The following MAGI1 variants were observed in gnomAD, a reference collection of about 807,000 sequenced individuals.
MAGI1 encodes the protein membrane-associated guanylate kinase, WW and PDZ domain-containing protein 1.
Under a neutral mutation model 139.9 loss-of-function variants are expected in MAGI1, and 58 were observed. The ratio of observed to expected loss-of-function variants is 0.41; its 90% CI spans 0.34 to 0.52. The LOEUF is 0.52. Ranked by LOEUF, MAGI1 falls within the 20% of genes least tolerant of loss-of-function variation. The probability of loss-of-function intolerance (pLI) is 0.12; values close to 1 mark genes in which losing one functional copy is unlikely to be tolerated. For missense variants in MAGI1, 1,874 were observed against 1,901.6 expected (o/e 0.99, Z 0.27); for synonymous variants, 812 against 737.9 (o/e 1.10, Z -1.63).
chr3:65,470,313 T>G lies in MAGI1; in HGVS notation c.929A>C (p.Tyr310Ser). 3 of 1,612,622 alleles carry G rather than the reference T, an allele frequency of 1.9e-6. No homozygotes were observed. The highest frequency in any genetic ancestry group is 1.7e-6 in the Non-Finnish European group (2 of 1,178,694). Reference protein sequence around the residue: ...GPLPENWEMAYTENGEVYFID... With the variant: ...GPLPENWEMASTENGEVYFID... ...AAAATAGACTTCTCCATTTTCAGTA[T>G]AGGCCATCTCCCAGTTTTCAGGTAG... The change falls in exon 5 of 23, where the codon TAT (tyrosine) becomes TCT (serine). Residue 310 changes from tyrosine to serine, a missense_variant. Physicochemically the swap from Tyr to Ser is moderately radical, Grantham distance 144. Coordinates refer to ENST00000402939, the MANE Select transcript of MAGI1 (RefSeq NM_001033057.2).
intron 1 of MAGI1, among the ~76,000 whole-genome samples, chr3:66,029,748 C>G (rs780978978): frequency 6.6e-6 from 1 of 152,196 alleles, no homozygotes; most frequent in Non-Finnish European, 1.5e-5. Flanking sequence ...AAATCCTGAC[C>G]TAGAGTTGCC....
chr3:65,814,137 G>T (rs1008469878), intron 1 of MAGI1, among the ~76,000 whole-genome samples: 2 of 152,068 alleles, frequency 1.3e-5, no homozygotes, highest in Non-Finnish European at 2.9e-5. Flanking sequence ...CTTCAGAGGA[G>T]ATCGGGTCTT....
chr3:65,830,213 A>T (rs2042450190), intron 1 of MAGI1, among the ~76,000 whole-genome samples: 1 of 152,138 alleles, frequency 6.6e-6, no homozygotes, highest in Non-Finnish European at 1.5e-5. Flanking sequence ...GAGGCATCGC[A>T]GTTGTTCTAA....
chr3:65,538,028 T>C (rs2107887373), intron 2 of MAGI1, among the ~76,000 whole-genome samples: 1 of 152,124 alleles, frequency 6.6e-6, no homozygotes. Flanking sequence ...CCAGCTACTT[T>C]GAAGGCTGAG....
intron 1 of MAGI1, among the ~76,000 whole-genome samples, chr3:65,797,926 T>C (rs1559892684): frequency 6.6e-6 from 1 of 152,198 alleles, no homozygotes; most frequent in Non-Finnish European, 1.5e-5. Flanking sequence ...GTACTGTTTA[T>C]GGGCATTACA....
At chr3:65,862,212 C>T (rs9874452) in intron 1 of MAGI1, among the ~76,000 whole-genome samples, 19,571 of 152,214 alleles carry the variant, frequency 0.13, 1,407 homozygotes, top group African/African-American at 0.17. Context: ...TAGCCAGGGT[C>T]TGAAAATCCT....
intron 1 of MAGI1, among the ~76,000 whole-genome samples, chr3:65,635,003 C>A (rs1011702176): frequency 6.6e-6 from 1 of 152,076 alleles, no homozygotes; most frequent in Admixed American, 6.6e-5. Flanking sequence ...CTGGTGAATC[C>A]TGGTGATGGG....
At chr3:65,414,944 G>A (rs1032646687) in intron 12 of MAGI1, among the ~76,000 whole-genome samples, 2 of 146,492 alleles carry the variant, frequency 1.4e-5, no homozygotes, top group African/African-American at 2.5e-5. Context: ...CAAGATAATC[G>A]CTTGAACCCG....
At chr3:65,963,488 C>T (rs1027310348) in intron 1 of MAGI1, among the ~76,000 whole-genome samples, 59 of 151,956 alleles carry the variant, frequency 3.9e-4, no homozygotes, top group African/African-American at 1.3e-3. Context: ...TGGTGTCATG[C>T]GCCTATAGTC....
chr3:65,560,284 G>A (rs1462416432), intron 2 of MAGI1, among the ~76,000 whole-genome samples: 1 of 152,116 alleles, frequency 6.6e-6, no homozygotes, highest in African/African-American at 2.4e-5. Context: ...CATTATGATG[G>A]TGCACTGAAA....
At chr3:65,510,267 G>A (rs1183332920) in intron 2 of MAGI1, among the ~76,000 whole-genome samples, 6 of 152,176 alleles carry the variant, frequency 3.9e-5, no homozygotes, top group South Asian at 2.1e-4. Flanking sequence ...CCAAAGGAAC[G>A]CAGTTCCTCA....
intron 1 of MAGI1, among the ~76,000 whole-genome samples, chr3:66,025,296 T>C (rs2068191162): frequency 6.6e-6 from 1 of 152,186 alleles, no homozygotes; most frequent in Non-Finnish European, 1.5e-5. Flanking sequence ...CCCAGCACTT[T>C]GGGAGGCCAA....
chr3:65,374,387 G>C (rs1450044290), intron 18 of MAGI1, among the ~76,000 whole-genome samples: 2 of 132,984 alleles, frequency 1.5e-5, no homozygotes, highest in Non-Finnish European at 1.5e-5. Context: ...GCGCAATCTC[G>C]GCTCACTGCA....
intron 3 of MAGI1, among the ~76,000 whole-genome samples, chr3:65,488,336 T>A (rs1271910066): frequency 1.3e-5 from 2 of 152,086 alleles, no homozygotes; most frequent in African/African-American, 4.8e-5. Context: ...TAACTTTTTT[T>A]CTTTTTTTTT....
rs568657160 is a variant in MAGI1, at chr3:65,668,606, G to A, written c.314-46518C>T. ...TTTTGACACGGAGTCTCACTCTGTC[G>A]CCCAGGCTGGAGTGCAGTGGTGCAA... On this transcript the variant is annotated intron_variant, in intron 1 of 22. Coordinates refer to ENST00000402939, the MANE Select transcript of MAGI1 (RefSeq NM_001033057.2). Among the ~76,000 whole-genome samples the A allele has an allele frequency of 5.8e-4, 66 of 113,644 alleles. No individual in the cohort carries two copies. In the Middle Eastern group the frequency reaches 0.025, roughly 42 times the overall value. The allele number at this position is 113,644 out of a possible 152,430, so 74.6% of individuals were successfully genotyped here. A position where few individuals can be genotyped will look rare whatever the true frequency, so the allele number is the denominator to read the frequency against.
rs2087969484 is a variant in MAGI1 at position 65,685,697 on chromosome 3, T to C, written c.314-63609A>G. ...ATTTTCATTTGATCATTTCCATCAG[T>C]TTCTATTTTAGTAAAAATAAGGCTT... is the stretch of plus-strand genomic sequence containing the variant. On this transcript the variant is annotated intron_variant, in intron 1 of 22. Transcript: ENST00000402939. Among the ~76,000 whole-genome samples, 3 of 152,194 alleles carry C rather than the reference T, an allele frequency of 2.0e-5. No homozygotes were observed. The South Asian group carries it at 6.2e-4, about 32-fold the overall frequency.
At position 65,470,490 on chromosome 3, in the gene MAGI1, T is replaced by A; in HGVS notation, c.758-6A>T. The A allele has an allele frequency of 6.3e-7, 1 of 1,598,838 alleles. No individual in the cohort carries two copies. On this transcript the variant is annotated splice_region_variant and splice_polypyrimidine_tract_variant and intron_variant, in intron 4 of 22. Coordinates refer to ENST00000402939, the MANE Select transcript of MAGI1 (RefSeq NM_001033057.2). ...CTCTTGTTCACCAGAATCGGCTGCT[T>A]AATCATGTGAAGAGGTGAGAGAGAG...
chr3:65,770,696 CTTAT>C (rs1375028790), intron 1 of MAGI1, among the ~76,000 whole-genome samples: 2 of 151,940 alleles, frequency 1.3e-5, no homozygotes, highest in Non-Finnish European at 2.9e-5. Flanking sequence ...CATTTATTTA[CTTAT>C]TTATTTTGAA....
chr3:65,795,903 TAGTC>T (rs1230366903), intron 1 of MAGI1, among the ~76,000 whole-genome samples: 2 of 151,284 alleles, frequency 1.3e-5, no homozygotes, highest in Non-Finnish European at 3.0e-5. Flanking sequence ...ACACAAAAAT[TAGTC>T]AGGTGTGGTA....
Sources: gnomAD v4.1 joint callset for allele counts (sites outside exome capture counted in the v4.1 genomes callset) on GRCh38, gnomAD v4.1.1 for gene constraint, MANE v1.5 for transcripts, NCBI Gene and HGNC (gene_info 2026-07-23, HGNC 2026-07-21) for gene names.